The following TBC1D32 variants were observed in gnomAD, a reference collection of about 807,000 sequenced individuals.
TBC1D32 encodes the protein protein broad-minded.
Under a neutral mutation model 170.3 loss-of-function variants are expected in TBC1D32, and 151 were observed. The ratio of observed to expected loss-of-function variants is 0.89; its 90% CI spans 0.78 to 1.01. The LOEUF is 1.01. Ranked by LOEUF, TBC1D32 falls within the 50% of genes least tolerant of loss-of-function variation. The pLI is 0.00. For missense variants in TBC1D32, 1,464 were observed against 1,457.1 expected, an observed-to-expected ratio of 1.00 and a Z score of -0.08; for synonymous variants, 498 against 488.0, an observed-to-expected ratio of 1.02 and a Z score of -0.27.
intron 22 of TBC1D32, among the ~76,000 whole-genome samples, chr6:121,195,019 G>C (rs1290112054): frequency 6.6e-6 from 1 of 152,208 alleles, no homozygotes; most frequent in African/African-American, 2.4e-5. Context: ...TAAAGTGAAG[G>C]ATAAGTTGCT....
At position 121,155,581 on chromosome 6, in the gene TBC1D32, C is replaced by T. The variant is rs138330602; in HGVS notation, c.2773+4429G>A. ...TAGGCATAGTTGTCTTTTTTCAGTT[C>T]TCAAAGGGAATGATTCCACTTTTTA... is the stretch of plus-strand genomic sequence containing the variant. On this transcript the variant is annotated intron_variant, in intron 24 of 31. Coordinates refer to ENST00000398212, the MANE Select transcript of TBC1D32 (RefSeq NM_152730.6). Among the ~76,000 whole-genome samples the T allele has an allele frequency of 1.7e-3, 261 of 152,094 alleles. 5 individuals carry two copies. In the East Asian group the frequency reaches 0.039, roughly 23 times the overall value.
intron 17 of TBC1D32, among the ~76,000 whole-genome samples, chr6:121,247,371 A>G (rs956994812): frequency 3.3e-5 from 5 of 152,004 alleles, no homozygotes; most frequent in African/African-American, 9.7e-5. Context: ...TAGAACCTCC[A>G]AAGGCATAAA....
chr6:121,323,926 A>G (rs1810107375), intron 1 of TBC1D32, among the ~76,000 whole-genome samples: 1 of 152,150 alleles, frequency 6.6e-6, no homozygotes, highest in South Asian at 2.1e-4. Context: ...GTGACAGAGC[A>G]AGACTCCACC....
intron 22 of TBC1D32, chr6:121,170,467 C>T: frequency 3.7e-6 from 6 of 1,608,362 alleles, no homozygotes; most frequent in Non-Finnish European, 5.1e-6. Flanking sequence ...TTTCAGATAC[C>T]TGATACTGAG....
At chr6:121,152,509 G>T (rs1784350088) in intron 24 of TBC1D32, among the ~76,000 whole-genome samples, 1 of 152,078 alleles carries the variant, frequency 6.6e-6, no homozygotes, top group Admixed American at 6.5e-5. Flanking sequence ...CATCTTTGTG[G>T]TGTTCTCTGT....
Position 121,080,549 on chromosome 6 carries a change from TA to T in TBC1D32, c.*221del. 1 of 504,750 alleles carries T rather than the reference TA, an allele frequency of 2.0e-6. No homozygotes were observed. Among genetic ancestry groups the T allele is most frequent in the Non-Finnish European group, 3.2e-6 (1 of 310,658 alleles). 31.3% of individuals were successfully genotyped at this position (504,750 alleles called of 1,614,324 possible). On this transcript the variant is annotated 3_prime_UTR_variant, in exon 32 of 32. Coordinates refer to ENST00000398212, the MANE Select transcript of TBC1D32 (RefSeq NM_152730.6). ...CTTAAACATGAATAAGAACTAAAAG[TA>T]AGCTAGATCTGATTCTATAATAACC...
Position 121,304,515 on chromosome 6 carries a change from T to C in TBC1D32, c.873+7A>G. The C allele has an allele frequency of 6.2e-7, 1 of 1,605,688 alleles. No homozygotes were observed. Among genetic ancestry groups the C allele is most frequent in the Non-Finnish European group, 8.5e-7 (1 of 1,174,920 alleles). On this transcript the variant is annotated splice_region_variant and intron_variant, in intron 7 of 31. Transcript: ENST00000398212. ...AAAAATGAAAGCATATTGTAGTAAA[T>C]GGATACCTTTTTAAGTAAGCGAGTC...
intron 30 of TBC1D32, among the ~76,000 whole-genome samples, chr6:121,097,091 A>G (rs1433823240): frequency 1.3e-5 from 2 of 152,140 alleles, no homozygotes; most frequent in African/African-American, 4.8e-5. Context: ...AATTATAAAA[A>G]CCCTAGAAGA....
At chr6:121,322,394 C>A (rs113882625) in intron 1 of TBC1D32, among the ~76,000 whole-genome samples, 2,878 of 152,260 alleles carry the variant, frequency 0.019, 103 homozygotes, top group African/African-American at 0.066. Context: ...CTACCTTACA[C>A]ATGCCCAACT....
At chr6:121,273,496 TG>T (rs35633255) in intron 15 of TBC1D32, among the ~76,000 whole-genome samples, 2 of 149,406 alleles carry the variant, frequency 1.3e-5, no homozygotes, top group Middle Eastern at 3.7e-3. Flanking sequence ...GTCGTGGGGT[TG>T]GGGGGGTTAG....
At chr6:121,237,681 T>TTCTAGAATG (rs1377587518) in intron 20 of TBC1D32, among the ~76,000 whole-genome samples, 2 of 152,012 alleles carry the variant, frequency 1.3e-5, no homozygotes, top group Non-Finnish European at 2.9e-5. Context: ...TTTTTTTTAA[T>TTCTAGAATG]TCTAGAATGG....
chr6:121,219,536 C>A (rs1287565395), intron 21 of TBC1D32, among the ~76,000 whole-genome samples: 1 of 152,100 alleles, frequency 6.6e-6, no homozygotes, highest in Non-Finnish European at 1.5e-5. Flanking sequence ...TTCCCATAAT[C>A]TAAATAAAAC....
intron 31 of TBC1D32, among the ~76,000 whole-genome samples, chr6:121,085,258 C>T (rs1026932410): frequency 1.4e-5 from 2 of 145,496 alleles, no homozygotes; most frequent in African/African-American, 2.5e-5. Context: ...TATATATATA[C>T]ACATATATAC....
At chr6:121,154,039 C>CG (rs545672348) in intron 24 of TBC1D32, among the ~76,000 whole-genome samples, 2 of 129,720 alleles carry the variant, frequency 1.5e-5, no homozygotes, top group Non-Finnish European at 3.2e-5. Flanking sequence ...CACTAGGGTA[C>CG]AAAAAAAAAA....
At chr6:121,109,941 T>G (rs1407753669) in intron 29 of TBC1D32, among the ~76,000 whole-genome samples, 1 of 152,076 alleles carries the variant, frequency 6.6e-6, no homozygotes, top group East Asian at 1.9e-4. Flanking sequence ...TAATAAAAGC[T>G]TACAGATCCT....
intron 21 of TBC1D32, among the ~76,000 whole-genome samples, chr6:121,215,052 C>T (rs1460188846): frequency 6.6e-6 from 1 of 152,180 alleles, no homozygotes; most frequent in East Asian, 1.9e-4. Context: ...CAGCTCTCAG[C>T]AGAGAGGAGA....
At chr6:121,196,169 C>T (rs1403448855) in intron 22 of TBC1D32, among the ~76,000 whole-genome samples, 1 of 152,180 alleles carries the variant, frequency 6.6e-6, no homozygotes, top group South Asian at 2.1e-4. Flanking sequence ...GGACACCATT[C>T]AGCTTCTTTC....
At chr6:121,108,511 C>G (rs149114904) in intron 29 of TBC1D32, among the ~76,000 whole-genome samples, 1 of 151,906 alleles carries the variant, frequency 6.6e-6, no homozygotes, top group Non-Finnish European at 1.5e-5. Flanking sequence ...ATATAAACTA[C>G]GCTAAGACAA....
At chr6:121,145,589 C>T (rs1307870175) in intron 24 of TBC1D32, among the ~76,000 whole-genome samples, 1 of 151,894 alleles carries the variant, frequency 6.6e-6, no homozygotes, top group Non-Finnish European at 1.5e-5. Context: ...TTGAAAATTG[C>T]CAAGAAAGTC....
Sources: gnomAD v4.1 joint callset for allele counts (sites outside exome capture counted in the v4.1 genomes callset) on GRCh38, gnomAD v4.1.1 for gene constraint, MANE v1.5 for transcripts, NCBI Gene and HGNC (gene_info 2026-07-23, HGNC 2026-07-21) for gene names.